Variants in PRKACB observed in about 807,000 individuals in gnomAD.
PRKACB encodes cAMP-dependent protein kinase catalytic subunit beta.
A neutral mutation model predicts 51.4 loss-of-function variants in PRKACB; 16 were observed. The observed-to-expected ratio is 0.31, with a 90% CI of 0.21 to 0.47. The LOEUF (loss-of-function observed/expected upper bound fraction) is 0.47, where lower values mean the gene tolerates loss of function less well. Ranked by LOEUF, PRKACB falls within the 20% of genes least tolerant of loss-of-function variation. The probability of loss-of-function intolerance (pLI) is 1.00; values close to 1 mark genes in which losing one functional copy is unlikely to be tolerated. For missense variants in PRKACB, 309 were observed against 464.5 expected (o/e 0.67, Z 3.08); for synonymous variants, 147 against 154.4 (o/e 0.95, Z 0.35).
intron 5 of PRKACB, among the ~76,000 whole-genome samples, chr1:84,192,425 A>G (rs1172194086): frequency 6.6e-6 from 1 of 152,136 alleles, no homozygotes; most frequent in Non-Finnish European, 1.5e-5. Flanking sequence ...TGTCCTTTAC[A>G]TTGGAATTTT....
chr1:84,192,398 T>C (rs927363333), intron 5 of PRKACB, among the ~76,000 whole-genome samples: 5 of 152,152 alleles, frequency 3.3e-5, no homozygotes, highest in Admixed American at 3.3e-4. Flanking sequence ...TTGCCATTTC[T>C]TTTAGTATAG....
chr1:84,086,793 C>T (rs1648036412), intron 1 of PRKACB, among the ~76,000 whole-genome samples: 1 of 152,186 alleles, frequency 6.6e-6, no homozygotes, highest in Non-Finnish European at 1.5e-5. Context: ...GAGCCCCCTC[C>T]CAGCTAGCCT....
chr1:84,222,359 T>C (rs1673863061), intron 9 of PRKACB, among the ~76,000 whole-genome samples: 1 of 152,190 alleles, frequency 6.6e-6, no homozygotes, highest in South Asian at 2.1e-4. Flanking sequence ...TAGATCATGT[T>C]ATGTTTATAT....
chr1:84,197,686 T>C (rs1668590830), intron 6 of PRKACB, 43 bp from the exon 7 acceptor site: 1 of 1,289,466 alleles, frequency 7.8e-7, no homozygotes, highest in African/African-American at 1.5e-5. Context: ...ACATTTATTG[T>C]GAGGTAATAC....
chr1:84,206,361 C>G (rs1671348197), intron 8 of PRKACB, among the ~76,000 whole-genome samples: 1 of 152,190 alleles, frequency 6.6e-6, no homozygotes, highest in Admixed American at 6.5e-5. Flanking sequence ...CTATTCCTTT[C>G]TGTCTCAGGA....
At chr1:84,160,333 G>T (rs1656024347) in intron 1 of PRKACB, among the ~76,000 whole-genome samples, 1 of 151,616 alleles carries the variant, frequency 6.6e-6, no homozygotes, top group Admixed American at 6.6e-5. Flanking sequence ...ATATGATTGG[G>T]ATAAGGTTGT....
rs557005014 is a variant in PRKACB, at chr1:84,153,847, T to C, written c.187+9299T>C. On this transcript the variant is annotated intron_variant, in intron 1 of 9. Coordinates refer to ENST00000370685, the MANE Select transcript of PRKACB (RefSeq NM_182948.4). ...TGTAATGAACATGGGAGTACAGATA[T>C]CTAGATATCTCTTAGACATACTGAT... is the stretch of plus-strand genomic sequence containing the variant. Among the ~76,000 whole-genome samples, 5 of 152,280 alleles carry C rather than the reference T, an allele frequency of 3.3e-5. 1 individual carries two copies. The highest frequency in any genetic ancestry group is 1.2e-4 in the African/African-American group (5 of 41,566).
intron 1 of PRKACB, among the ~76,000 whole-genome samples, chr1:84,147,311 TTCAG>T (rs1558021335): frequency 6.6e-6 from 1 of 152,026 alleles, no homozygotes; most frequent in Non-Finnish European, 1.5e-5. Flanking sequence ...AGTAGACCAC[TTCAG>T]TCAGTTTTAC....
rs184389306 is a variant in PRKACB, at chr1:84,219,848, A to G, written c.1071+5531A>G. ...CCACTACCATGCTGTTTTAGTTACT[A>G]TAGCTTTATAGTATATTTTGAAGTC... On this transcript the variant is annotated intron_variant, in intron 9 of 9. Coordinates refer to ENST00000370685, the MANE Select transcript of PRKACB (RefSeq NM_182948.4). 3.5e-4 allele frequency among the ~76,000 whole-genome samples: 53 copies of G among 151,974 alleles called. No homozygotes were observed. In the East Asian group the frequency reaches 4.3e-3, roughly 12 times the overall value.
At chr1:84,141,535 A>G (rs1198405767), upstream of PRKACB, among the ~76,000 whole-genome samples, 2 of 152,104 alleles carry the variant, frequency 1.3e-5, no homozygotes, top group East Asian at 3.8e-4. Context: ...AAATTGAAAC[A>G]ATTTTATTTT....
chr1:84,110,805 T>C (rs984057143), intron 1 of PRKACB, among the ~76,000 whole-genome samples: 2 of 152,060 alleles, frequency 1.3e-5, no homozygotes, highest in African/African-American at 4.8e-5. Flanking sequence ...CAAAGTCAAA[T>C]TGGGGAAATT....
intron 1 of PRKACB, among the ~76,000 whole-genome samples, chr1:84,127,529 G>A (rs928823508): frequency 2.6e-5 from 4 of 152,158 alleles, no homozygotes; most frequent in South Asian, 2.1e-4. Context: ...GTTTAATTAG[G>A]TAAACAGCAT....
chr1:84,083,051 C>T (rs1647674727), intron 1 of PRKACB, among the ~76,000 whole-genome samples: 1 of 152,078 alleles, frequency 6.6e-6, no homozygotes, highest in African/African-American at 2.4e-5. Context: ...TGGGGCTGTA[C>T]TAGAAATAAA....
chr1:84,101,791 C>T (rs1192512155), intron 1 of PRKACB, among the ~76,000 whole-genome samples: 1 of 151,982 alleles, frequency 6.6e-6, no homozygotes, highest in Non-Finnish European at 1.5e-5. Flanking sequence ...TTCCTAGTGC[C>T]AAATTGTAAC....
intron 1 of PRKACB, among the ~76,000 whole-genome samples, chr1:84,093,500 G>C (rs1371374940): frequency 6.6e-6 from 1 of 151,948 alleles, no homozygotes; most frequent in East Asian, 1.9e-4. Flanking sequence ...GTACAAAACT[G>C]CATGAATTCA....
intron 1 of PRKACB, among the ~76,000 whole-genome samples, chr1:84,149,808 G>C (rs1654602966): frequency 6.6e-6 from 1 of 151,982 alleles, no homozygotes; most frequent in Non-Finnish European, 1.5e-5. Context: ...ATTTGAAGAA[G>C]TTATGACCAT....
At chr1:84,116,169 C>T (rs1387988461) in intron 1 of PRKACB, among the ~76,000 whole-genome samples, 1 of 151,954 alleles carries the variant, frequency 6.6e-6, no homozygotes, top group Non-Finnish European at 1.5e-5. Context: ...AAATATGTGG[C>T]TTTATTTCTA....
intron 1 of PRKACB, among the ~76,000 whole-genome samples, chr1:84,169,295 G>A (rs1658588203): frequency 1.3e-5 from 2 of 151,550 alleles, no homozygotes; most frequent in Admixed American, 1.3e-4. Flanking sequence ...AAAATTTCAA[G>A]TGAGCATGGA....
At chr1:84,153,802 C>A (rs1441239258) in intron 1 of PRKACB, among the ~76,000 whole-genome samples, 2 of 152,096 alleles carry the variant, frequency 1.3e-5, no homozygotes, top group Non-Finnish European at 2.9e-5. Flanking sequence ...TACGTCGATG[C>A]CATATCTTGT....
Sources: allele counts gnomAD v4.1 joint callset (sites outside exome capture counted in the v4.1 genomes callset), GRCh38; gene constraint gnomAD v4.1.1; transcripts MANE v1.5; gene names NCBI Gene and HGNC (gene_info 2026-07-23, HGNC 2026-07-21).